Variants in SLC38A1 observed in about 807,000 individuals in gnomAD.
The protein encoded by SLC38A1 is solute carrier family 38 member 1.
SLC38A1 carries 18 observed loss-of-function variants against 60.3 expected under a neutral mutation model. The ratio of observed to expected loss-of-function variants is 0.30; its 90% CI spans 0.21 to 0.44. SLC38A1 has a LOEUF of 0.44. SLC38A1 is among the 20% of genes least tolerant of loss of function. The pLI, the probability that SLC38A1 is intolerant of heterozygous loss-of-function variation, is 1.00. For missense variants in SLC38A1, 448 were observed against 587.2 expected (o/e 0.76, Z 2.45); for synonymous variants, 196 against 212.1 (o/e 0.92, Z 0.66).
chr12:46,223,478 A>ACACACC (rs983310100), intron 5 of SLC38A1, among the ~76,000 whole-genome samples: 5 of 150,974 alleles, frequency 3.3e-5, no homozygotes, highest in African/African-American at 9.8e-5. Flanking sequence ...ACACACACAC[A>ACACACC]CCCCACTCAT....
intron 13 of SLC38A1, among the ~76,000 whole-genome samples, chr12:46,200,780 C>T (rs552740682): frequency 9.2e-5 from 14 of 152,250 alleles, no homozygotes; most frequent in African/African-American, 3.1e-4. Context: ...ACCCAATTTG[C>T]GGTGTCAATT....
chr12:46,251,480 C>A lies in SLC38A1; in HGVS notation c.-208-8166G>T, dbSNP rs113222818. Among the ~76,000 whole-genome samples the A allele has an allele frequency of 1.6e-3, 247 of 152,198 alleles. 1 individual carries two copies. Among genetic ancestry groups the A allele is most frequent in the African/African-American group, 5.5e-3 (227 of 41,522 alleles). ...ACACCAAAAGCAATGGCAACAAAAG[C>A]CAAAATTGACAAATGGGATCTAATT... On this transcript the variant is annotated intron_variant, in intron 1 of 16. Coordinates refer to ENST00000398637, the MANE Select transcript of SLC38A1 (RefSeq NM_030674.4).
intron 1 of SLC38A1, among the ~76,000 whole-genome samples, chr12:46,250,890 T>A (rs558504385): frequency 1.3e-5 from 2 of 152,268 alleles, no homozygotes; most frequent in South Asian, 4.1e-4. Flanking sequence ...ATAGGAAGAA[T>A]TGATATTGTG....
At chr12:46,196,347 A>G in intron 16 of SLC38A1, 1 of 1,521,308 alleles carries the variant, frequency 6.6e-7, no homozygotes. Flanking sequence ...GTCCAGTCTA[A>G]CTCCCAGTGG....
At chr12:46,212,923 G>A (rs1940238828) in intron 5 of SLC38A1, among the ~76,000 whole-genome samples, 1 of 152,070 alleles carries the variant, frequency 6.6e-6, no homozygotes, top group African/African-American at 2.4e-5. Context: ...TTTACCTTCT[G>A]GACCTATTTG....
rs943938191 is a variant in SLC38A1 at position 46,268,442 on chromosome 12, A to G, written c.-209+84T>C. 6.5e-6 allele frequency: 1 copy of G among 154,264 alleles called. No individual in the cohort carries two copies. Among genetic ancestry groups the G allele is most frequent in the African/African-American group, 2.4e-5 (1 of 41,522 alleles). 9.6% of individuals were successfully genotyped at this position (154,264 alleles called of 1,614,324 possible). On this transcript the variant is annotated intron_variant, in intron 1 of 16. Transcript: ENST00000398637. The surrounding 1 kb of genome is among the most constrained non-coding windows in gnomAD (Gnocchi z 4.4). ...CTCTGCTTTCACGCCCGCAGAGATG[A>G]TTTCTACGTTACCTCCTCCTCCGAC...
chr12:46,191,843 T>C (rs1939158964), intron 16 of SLC38A1, among the ~76,000 whole-genome samples: 2 of 152,150 alleles, frequency 1.3e-5, no homozygotes, highest in South Asian at 4.2e-4. Flanking sequence ...GACAATGGGG[T>C]TTTCTAAATA....
At chr12:46,230,305 T>C (rs952524690) in intron 3 of SLC38A1, among the ~76,000 whole-genome samples, 1 of 152,204 alleles carries the variant, frequency 6.6e-6, no homozygotes, top group Non-Finnish European at 1.5e-5. Flanking sequence ...AACAGGAGGC[T>C]ACAGGAGTTC....
chr12:46,239,842 T>G lies in SLC38A1; in HGVS notation c.-42A>C. 1.9e-6 allele frequency: 3 copies of G among 1,607,578 alleles called. No individual in the cohort carries two copies. In the East Asian group the frequency reaches 6.7e-5, roughly 36 times the overall value. ...TAGTTTGAAAATTAGTCCAAATTTC[T>G]CCTGTTCTGAGTGTATTTAGAAGTA... On this transcript the variant is annotated 5_prime_UTR_variant, in exon 3 of 17. Transcript: ENST00000398637.
intron 1 of SLC38A1, among the ~76,000 whole-genome samples, chr12:46,257,192 C>A (rs1312510712): frequency 2.0e-5 from 3 of 152,170 alleles, no homozygotes; most frequent in Non-Finnish European, 4.4e-5. Context: ...AGATTCTGTA[C>A]ATGCCTAATC....
chr12:46,202,589 A>G (rs1939710405), intron 12 of SLC38A1, among the ~76,000 whole-genome samples: 1 of 152,214 alleles, frequency 6.6e-6, no homozygotes. Flanking sequence ...TGTCTGATTT[A>G]CTAGCCTTTT....
chr12:46,224,243 G>A (rs972591123), intron 5 of SLC38A1, among the ~76,000 whole-genome samples: 1 of 152,030 alleles, frequency 6.6e-6, no homozygotes, highest in African/African-American at 2.4e-5. Flanking sequence ...TCAGGGTCCA[G>A]CCTCACTTTG....
intron 1 of SLC38A1, chr12:46,255,010 G>C (rs553699728): frequency 2.6e-5 from 4 of 152,072 alleles, no homozygotes; most frequent in Non-Finnish European, 4.4e-5. Context: ...CCATTGTTTC[G>C]GTTAATTTAG....
At position 46,212,098 on chromosome 12, in the gene SLC38A1, T is replaced by C. The variant is rs536932517; in HGVS notation, c.315-2971A>G. Among the ~76,000 whole-genome samples, 9 of 152,174 alleles carry C rather than the reference T, an allele frequency of 5.9e-5. No homozygotes were observed. In the East Asian group the frequency reaches 1.4e-3, roughly 23 times the overall value. The stretch of plus-strand genomic sequence containing the variant: ...TAGAACCTAGAAAGGGTTAGAAAAA[T>C]CAAATCATAAATGTCTTGAGACACA... On this transcript the variant is annotated intron_variant, in intron 5 of 16. Transcript: ENST00000398637.
At chr12:46,189,938 A>AT (rs201394214) in intron 16 of SLC38A1, among the ~76,000 whole-genome samples, 11 of 151,068 alleles carry the variant, frequency 7.3e-5, no homozygotes, top group East Asian at 5.8e-4. Context: ...TGTCTCAGGT[A>AT]TTTTTTTTTA....
chr12:46,257,777 C>G (rs1942078986), intron 1 of SLC38A1, among the ~76,000 whole-genome samples: 2 of 152,148 alleles, frequency 1.3e-5, no homozygotes, highest in African/African-American at 4.8e-5. Context: ...TGTTACAAGA[C>G]CCCAACACTT....
At position 46,184,331 on chromosome 12, in the gene SLC38A1, A is replaced by G. The variant is rs1938866343; in HGVS notation, c.*4639T>C. On this transcript the variant is annotated 3_prime_UTR_variant, in exon 17 of 17. Coordinates refer to ENST00000398637, the MANE Select transcript of SLC38A1 (RefSeq NM_030674.4). ...AGGATTCTCAAACCTGCCATCCCCA[A>G]GGAAAATCATGTATTAGTATTGCTA... 6.6e-6 allele frequency: 1 copy of G among 152,190 alleles called. No homozygotes were observed. Among genetic ancestry groups the G allele is most frequent in the Non-Finnish European group, 1.5e-5 (1 of 68,032 alleles). The allele number at this position is 152,190 out of a possible 1,614,324, so 9.4% of individuals were successfully genotyped here.
intron 5 of SLC38A1, among the ~76,000 whole-genome samples, chr12:46,226,762 C>A (rs1375471188): frequency 1.3e-5 from 2 of 151,736 alleles, no homozygotes; most frequent in Admixed American, 6.6e-5. Flanking sequence ...ATTACAGGTG[C>A]CCGCCCCTAC....
At chr12:46,256,632 C>CAGAGAGAGAGAGAG (rs1305015526) in intron 1 of SLC38A1, among the ~76,000 whole-genome samples, 1 of 71,410 alleles carries the variant, frequency 1.4e-5, no homozygotes, top group Non-Finnish European at 2.9e-5. Context: ...CACACACACA[C>CAGAGAGAGAGAGAG]ACACAGAGAG....
Sources: gnomAD v4.1 joint callset for allele counts (sites outside exome capture counted in the v4.1 genomes callset) on GRCh38, gnomAD v4.1.1 for gene constraint, Gnocchi (gnomAD v3.1) non-coding constraint, MANE v1.5 for transcripts, NCBI Gene and HGNC (gene_info 2026-07-23, HGNC 2026-07-21) for gene names.